The following TENM2 variants were observed in gnomAD, a reference collection of about 807,000 sequenced individuals.
TENM2 encodes the protein teneurin transmembrane protein 2.
TENM2 carries 52 observed loss-of-function variants against 245.2 expected under a neutral mutation model. That is an observed-to-expected ratio of 0.21 (90% CI 0.17 to 0.27). The LOEUF is 0.27. Among genes scored for constraint, TENM2 ranks in the 10% least tolerant of loss-of-function variants. TENM2 has a pLI of 1.00. For synonymous variants in TENM2, 1,363 were observed against 1,438.9 expected, an observed-to-expected ratio of 0.95 and a Z score of 1.19; for missense variants, 3,046 against 3,666.8, an observed-to-expected ratio of 0.83 and a Z score of 4.37.
intron 2 of TENM2, among the ~76,000 whole-genome samples, chr5:167,593,375 T>G (rs997480063): frequency 2.0e-5 from 3 of 152,238 alleles, no homozygotes; most frequent in Non-Finnish European, 4.4e-5. Flanking sequence ...CTGCCCTCTT[T>G]TGTAGACCTT....
chr5:168,168,917 G>C (rs532401068), intron 13 of TENM2, among the ~76,000 whole-genome samples: 2 of 152,036 alleles, frequency 1.3e-5, no homozygotes, highest in East Asian at 1.9e-4. Flanking sequence ...ATTTGTTGAG[G>C]GTTTACTAAA....
At chr5:167,661,684 T>C (rs1755216926) in intron 2 of TENM2, among the ~76,000 whole-genome samples, 2 of 152,090 alleles carry the variant, frequency 1.3e-5, no homozygotes, top group Non-Finnish European at 2.9e-5. Flanking sequence ...TACTAAAAAG[T>C]GATTTAGAAG....
chr5:167,993,125 G>A, exon 5 of TENM2: 1 of 1,614,014 alleles, frequency 6.2e-7, no homozygotes, highest in Non-Finnish European at 8.5e-7. Context: ...GAAATGTGCT[G>A]CCCTCTCCGC....
At chr5:167,746,478 C>G (rs910703347) in intron 2 of TENM2, among the ~76,000 whole-genome samples, 1 of 152,070 alleles carries the variant, frequency 6.6e-6, no homozygotes, top group Non-Finnish European at 1.5e-5. Flanking sequence ...GACAAACAGC[C>G]ATGGCCCCTT....
intron 1 of TENM2, among the ~76,000 whole-genome samples, chr5:167,299,352 G>A (rs1244069103): frequency 6.6e-6 from 1 of 152,166 alleles, no homozygotes. Flanking sequence ...TGTAGGAAAG[G>A]CCTCTACCTA....
the TENM2 span, among the ~76,000 whole-genome samples, chr5:167,196,241 C>T: frequency 2.2e-4 from 33 of 151,670 alleles, no homozygotes; most frequent in Admixed American, 1.7e-3. Flanking sequence ...TACAGTAAAA[C>T]GTATAAACAT....
intron 9 of TENM2, among the ~76,000 whole-genome samples, chr5:168,101,778 C>A (rs750751558): frequency 2.6e-5 from 4 of 152,136 alleles, no homozygotes; most frequent in Non-Finnish European, 4.4e-5. Flanking sequence ...TCCATTTATT[C>A]TGGGTGAAGT....
At chr5:167,292,086 A>C (rs1377538430) in intron 1 of TENM2, among the ~76,000 whole-genome samples, 1 of 152,108 alleles carries the variant, frequency 6.6e-6, no homozygotes, top group African/African-American at 2.4e-5. Context: ...CTTATTCACT[A>C]TCATGAGAAC....
the TENM2 span, among the ~76,000 whole-genome samples, chr5:167,171,903 A>G: frequency 6.6e-6 from 1 of 152,168 alleles, no homozygotes; most frequent in Non-Finnish European, 1.5e-5. Context: ...GATCTAGGGG[A>G]GAGAACAAAG....
intron 2 of TENM2, among the ~76,000 whole-genome samples, chr5:167,478,774 G>A (rs73365523): frequency 0.034 from 5,124 of 152,120 alleles, 301 homozygotes; most frequent in African/African-American, 0.12. Context: ...TTCCTCTCTC[G>A]CTTTTATGAT....
At chr5:167,110,208 C>A in the TENM2 span, among the ~76,000 whole-genome samples, 3 of 152,168 alleles carry the variant, frequency 2.0e-5, no homozygotes, top group Non-Finnish European at 4.4e-5. Flanking sequence ...GGTGATAAAT[C>A]TCAAACAATT....
chr5:167,601,435 A>G (rs1776627515), intron 2 of TENM2, among the ~76,000 whole-genome samples: 1 of 152,256 alleles, frequency 6.6e-6, no homozygotes, highest in Admixed American at 6.5e-5. Flanking sequence ...ACAATGTATC[A>G]TCTTATTCCT....
intron 2 of TENM2, chr5:167,729,213 A>G (rs1233033362): frequency 6.6e-6 from 1 of 152,122 alleles, no homozygotes; most frequent in Non-Finnish European, 1.5e-5. Flanking sequence ...CTTTGTCCAG[A>G]TGTTAACGTG....
intron 3 of TENM2, among the ~76,000 whole-genome samples, chr5:167,909,980 GA>G (rs1305427698): frequency 1.4e-5 from 2 of 144,866 alleles, no homozygotes; most frequent in Non-Finnish European, 1.5e-5. Context: ...TATTTTTTTT[GA>G]AGGGCAGATT....
intron 2 of TENM2, among the ~76,000 whole-genome samples, chr5:167,536,648 C>T (rs1771872263): frequency 6.6e-6 from 1 of 152,126 alleles, no homozygotes; most frequent in Admixed American, 6.5e-5. Flanking sequence ...AGGCAACAAA[C>T]AGGTAGAACT....
chr5:167,597,160 C>CTT lies in TENM2; in HGVS notation c.502+221690_502+221691dup, dbSNP rs1211549028. Among the ~76,000 whole-genome samples, 114 of 102,282 alleles carry CTT rather than the reference C, an allele frequency of 1.1e-3. 2 individuals carry two copies. In the South Asian group the frequency reaches 0.036, roughly 32 times the overall value. 67.1% of individuals were successfully genotyped at this position (102,282 alleles called of 152,430 possible). On this transcript the variant is annotated intron_variant, in intron 2 of 28. Coordinates refer to ENST00000518659, the Ensembl canonical transcript of TENM2. ...ATACATATTTCTTTTCTTTTCTTTT[C>CTT]TTTTCTTTTTTTTTTTTTTTTTGAG... is the stretch of plus-strand genomic sequence containing the variant.
At chr5:167,416,832 T>C (rs1317355477) in intron 2 of TENM2, among the ~76,000 whole-genome samples, 3 of 152,234 alleles carry the variant, frequency 2.0e-5, no homozygotes, top group Non-Finnish European at 4.4e-5. Context: ...TAGCTGTCTA[T>C]AGATATTTTC....
intron 2 of TENM2, among the ~76,000 whole-genome samples, chr5:167,758,702 G>T (rs752079930): frequency 1.3e-5 from 2 of 152,010 alleles, no homozygotes; most frequent in Non-Finnish European, 2.9e-5. Context: ...CATTTATTAG[G>T]ACTCTGGTTC....
chr5:167,307,138 G>T (rs1755727619), intron 1 of TENM2, among the ~76,000 whole-genome samples: 1 of 152,210 alleles, frequency 6.6e-6, no homozygotes. Context: ...GCAGGCTGCT[G>T]GAAGGCAGAG....
Sources: gnomAD v4.1 joint callset for allele counts (sites outside exome capture counted in the v4.1 genomes callset) on GRCh38, gnomAD v4.1.1 for gene constraint, MANE v1.5 for transcripts, NCBI Gene and HGNC (gene_info 2026-07-23, HGNC 2026-07-21) for gene names.